Variants in SYTL3 observed in about 807,000 individuals in gnomAD.
SYTL3 encodes the protein synaptotagmin-like protein 3.
In SYTL3, 88 loss-of-function variants were observed where a neutral mutation model predicts 82.1. The observed-to-expected ratio is 1.07, with a 90% confidence interval of 0.90 to 1.28. The LOEUF (loss-of-function observed/expected upper bound fraction) is 1.28. SYTL3 is among the 50% of genes most tolerant of loss of function. SYTL3 has a pLI of 0.00. For missense variants in SYTL3, 831 were observed against 757.6 expected, an observed-to-expected ratio of 1.10 and a Z score of -1.14; for synonymous variants, 311 against 289.4, an observed-to-expected ratio of 1.07 and a Z score of -0.76.
chr6:158,750,062 G>A (rs1453072186), intron 12 of SYTL3, among the ~76,000 whole-genome samples: 1 of 152,126 alleles, frequency 6.6e-6, no homozygotes, highest in African/African-American at 2.4e-5. Flanking sequence ...ATGATACGTA[G>A]GATTAGAGAT....
At chr6:158,755,069 G>A (rs1189511850) in intron 13 of SYTL3, among the ~76,000 whole-genome samples, 2 of 152,226 alleles carry the variant, frequency 1.3e-5, no homozygotes, top group African/African-American at 4.8e-5. Context: ...TGGGCTGGGT[G>A]TGGAGGCTCA....
intron 10 of SYTL3, among the ~76,000 whole-genome samples, chr6:158,725,227 C>T (rs771776623): frequency 6.6e-6 from 1 of 152,162 alleles, no homozygotes; most frequent in Non-Finnish European, 1.5e-5. Flanking sequence ...TACTAATCCA[C>T]GAGTAATCTA....
At position 158,663,167 on chromosome 6, in the gene SYTL3, A is replaced by C. The variant is rs1789563232; in HGVS notation, c.-102A>C. On this transcript the variant is annotated 5_prime_UTR_variant, in exon 4 of 18. Coordinates refer to ENST00000611299, the MANE Select transcript of SYTL3 (RefSeq NM_001242394.2). ...AAATAGGAGAGGGAGCTCTTTAAACAAGGCTGGCTGCAGCTGGCCTCCGCC... is the reference window on the plus strand; with the variant it reads ...AAATAGGAGAGGGAGCTCTTTAAACCAGGCTGGCTGCAGCTGGCCTCCGCC... 1.0e-6 allele frequency: 1 copy of C among 982,498 alleles called. No homozygotes were observed. Among genetic ancestry groups the C allele is most frequent in the Non-Finnish European group, 1.6e-6 (1 of 639,592 alleles). 60.9% of individuals were successfully genotyped at this position (982,498 alleles called of 1,614,324 possible).
intron 6 of SYTL3, 71 bp from the exon 7 acceptor site, chr6:158,707,159 C>T (rs774518207): frequency 2.7e-5 from 38 of 1,426,026 alleles, no homozygotes; most frequent in Non-Finnish European, 3.7e-5. Flanking sequence ...TTTTAATCTA[C>T]TATTTCCTGT....
intron 5 of SYTL3, among the ~76,000 whole-genome samples, chr6:158,682,561 G>A (rs1269421226): frequency 2.6e-5 from 4 of 151,270 alleles, no homozygotes; most frequent in Non-Finnish European, 4.4e-5. Context: ...GGGTTTCACC[G>A]TGTTAGCCAG....
intron 6 of SYTL3, among the ~76,000 whole-genome samples, chr6:158,689,959 A>G (rs1168681546): frequency 6.6e-6 from 1 of 152,128 alleles, no homozygotes; most frequent in African/African-American, 2.4e-5. Flanking sequence ...AACTCTTTAC[A>G]ATCATCAGGA....
intron 6 of SYTL3, among the ~76,000 whole-genome samples, chr6:158,704,441 G>A (rs1163401527): frequency 6.6e-6 from 1 of 152,250 alleles, no homozygotes; most frequent in Admixed American, 6.5e-5. Flanking sequence ...CGGGGGATTT[G>A]CGACCCGGGC....
chr6:158,698,176 C>T (rs1473456333), intron 6 of SYTL3, among the ~76,000 whole-genome samples: 1 of 152,076 alleles, frequency 6.6e-6, no homozygotes, highest in Middle Eastern at 3.2e-3. Context: ...GCGGGCAGAT[C>T]ACTTGAGGTC....
intron 1 of SYTL3, among the ~76,000 whole-genome samples, chr6:158,650,593 C>T (rs183089394): frequency 6.6e-5 from 10 of 152,064 alleles, no homozygotes; most frequent in Admixed American, 5.2e-4. Flanking sequence ...CTCTAAATTG[C>T]TTGGTAAGAA....
At chr6:158,648,071 A>G (rs1787600357), upstream of SYTL3, among the ~76,000 whole-genome samples, 1 of 152,230 alleles carries the variant, frequency 6.6e-6, no homozygotes, top group African/African-American at 2.4e-5. Flanking sequence ...AGGTGGGCAG[A>G]TCACCAGAGG....
intron 1 of SYTL3, among the ~76,000 whole-genome samples, chr6:158,650,849 G>C (rs951898079): frequency 6.6e-6 from 1 of 152,036 alleles, no homozygotes; most frequent in African/African-American, 2.4e-5. Flanking sequence ...TGCCCAGGAG[G>C]CTGAGGCACG....
chr6:158,697,641 A>G (rs2128434230), intron 6 of SYTL3, among the ~76,000 whole-genome samples: 1 of 152,354 alleles, frequency 6.6e-6, no homozygotes, highest in Middle Eastern at 3.4e-3. Flanking sequence ...TTCAGATCAC[A>G]TATCTGATAA....
chr6:158,716,010 T>C (rs2128467023), intron 9 of SYTL3, among the ~76,000 whole-genome samples: 1 of 152,256 alleles, frequency 6.6e-6, no homozygotes, highest in Middle Eastern at 3.4e-3. Context: ...GCCCAGGTGC[T>C]GAAGGGTGGC....
At chr6:158,704,453 G>A (rs1222256420) in intron 6 of SYTL3, among the ~76,000 whole-genome samples, 1 of 152,254 alleles carries the variant, frequency 6.6e-6, no homozygotes, top group Non-Finnish European at 1.5e-5. Context: ...GACCCGGGCC[G>A]AAGCGGAGGT....
intron 2 of SYTL3, among the ~76,000 whole-genome samples, chr6:158,654,225 C>T (rs1788402149): frequency 6.6e-6 from 1 of 152,178 alleles, no homozygotes; most frequent in Non-Finnish European, 1.5e-5. Context: ...GGGTTTTGTA[C>T]TCATCCCACC....
intron 5 of SYTL3, among the ~76,000 whole-genome samples, chr6:158,673,868 G>C (rs557120807): frequency 1.3e-5 from 2 of 151,090 alleles, no homozygotes; most frequent in African/African-American, 2.4e-5. Context: ...CGGATCACTT[G>C]AGGTCAGGAA....
chr6:158,677,320 A>G (rs1391745617), intron 5 of SYTL3, among the ~76,000 whole-genome samples: 1 of 152,034 alleles, frequency 6.6e-6, no homozygotes, highest in Non-Finnish European at 1.5e-5. Context: ...AAAACCAAAC[A>G]CCGCATGTTT....
In SYTL3 at chr6:158,657,760, C is replaced by T. The variant is rs577284531; in HGVS notation, c.-636-3509C>T. Among the ~76,000 whole-genome samples the T allele has an allele frequency of 2.0e-5, 3 of 152,216 alleles. No individual in the cohort carries two copies. The South Asian group carries it at 6.2e-4, about 32-fold the overall frequency. ...CCATCAATACATGGCATAGTGATTCCAGTACCATAAGCAATGTTGCCCTCC... is the reference window on the plus strand; with the variant it reads ...CCATCAATACATGGCATAGTGATTCTAGTACCATAAGCAATGTTGCCCTCC... On this transcript the variant is annotated intron_variant, in intron 2 of 17. Transcript: ENST00000611299.
chr6:158,718,622 C>A (rs1427450952), intron 10 of SYTL3, among the ~76,000 whole-genome samples: 1 of 152,242 alleles, frequency 6.6e-6, no homozygotes, highest in Non-Finnish European at 1.5e-5. Flanking sequence ...CTATTGAAAA[C>A]GTAAAGGCGC....
Sources: gnomAD v4.1 joint callset for allele counts (sites outside exome capture counted in the v4.1 genomes callset) on GRCh38, gnomAD v4.1.1 for gene constraint, MANE v1.5 for transcripts, NCBI Gene and HGNC (gene_info 2026-07-23, HGNC 2026-07-21) for gene names.